Variants in DMD observed in about 807,000 individuals in gnomAD.
The protein encoded by DMD is dystrophin.
Under a neutral mutation model 330.1 loss-of-function variants are expected in DMD, and 63 were observed. That is an observed-to-expected ratio of 0.19 (90% CI 0.16 to 0.24). The LOEUF (loss-of-function observed/expected upper bound fraction) is 0.24. DMD is among the 10% of genes least tolerant of loss of function. The probability of loss-of-function intolerance (pLI) is 1.00; values close to 1 mark genes in which losing one functional copy is unlikely to be tolerated. For synonymous variants in DMD, 1,223 were observed against 959.8 expected (o/e 1.27, Z -5.07); for missense variants, 3,344 against 2,684.1 (o/e 1.25, Z -5.43).
intron 59 of DMD, among the ~76,000 whole-genome samples, chrX:31,473,720 A>AAAAAGAAAAAAAAG (rs1556654301): frequency 2.3e-4 from 24 of 104,381 alleles, no homozygotes; most frequent in African/African-American, 8.6e-4. Context: ...TCAAAAAAAA[A>AAAAAGAAAAAAAAG]AAAAAAAAGA....
In DMD at chrX:31,627,772, T is replaced by C; in HGVS notation, c.8118A>G (p.Thr2706=). The C allele has an allele frequency of 8.3e-7, 1 of 1,211,457 alleles. No individual in the cohort carries two copies. Among genetic ancestry groups the C allele is most frequent in the Non-Finnish European group, 1.1e-6 (1 of 895,310 alleles). ...GGACATTGGCAGTTGTTTCAGCTTC[T>C]GTAAGCCAGGCAAGAAACTTTTCCA... ...LDLEKFLAWL[T]EAETTANVLQ... The change falls in exon 55 of 79, where the codon ACA becomes ACG. Residue 2706 remains threonine, a synonymous_variant. Coordinates refer to ENST00000357033, the MANE Select transcript of DMD (RefSeq NM_004006.3).
intron 67 of DMD, among the ~76,000 whole-genome samples, chrX:31,191,512 T>C (rs1345003493): frequency 9.1e-6 from 1 of 110,020 alleles, no homozygotes; most frequent in African/African-American, 3.3e-5. Flanking sequence ...TTATGGGGGT[T>C]GGTCTTTCCT....
intron 1 of DMD, among the ~76,000 whole-genome samples, chrX:33,117,483 C>A (rs1432890963): frequency 9.0e-6 from 1 of 111,507 alleles, no homozygotes; most frequent in African/African-American, 3.3e-5. Context: ...CTTGAATATA[C>A]CCAATCGCCA....
chrX:32,479,781 C>A (rs981252304), intron 21 of DMD, among the ~76,000 whole-genome samples: 1 of 109,401 alleles, frequency 9.1e-6, no homozygotes, highest in Non-Finnish European at 1.9e-5. Context: ...GCATATATCA[C>A]TATATATATC....
chrX:31,697,235 C>T (rs2083499952), intron 52 of DMD, among the ~76,000 whole-genome samples: 1 of 111,487 alleles, frequency 9.0e-6, no homozygotes, highest in Non-Finnish European at 1.9e-5. Flanking sequence ...GCCACTAGAG[C>T]CCATATTGTT....
intron 7 of DMD, among the ~76,000 whole-genome samples, chrX:32,763,135 T>C (rs779399885): frequency 1.8e-5 from 2 of 111,922 alleles, no homozygotes; most frequent in Non-Finnish European, 3.8e-5. Context: ...TTAATTGACT[T>C]GAACCAGAAA....
chrX:32,396,034 C>A lies in DMD; in HGVS notation c.4234-5853G>T, dbSNP rs189090917. On this transcript the variant is annotated intron_variant, in intron 30 of 78. Transcript: ENST00000357033. The stretch of plus-strand genomic sequence containing the variant: ...GATAGCGTAAGTGATCACTGCAACA[C>A]AGGCCTTCCTGATAAGTTCCACATT... Among the ~76,000 whole-genome samples the A allele has an allele frequency of 2.2e-4, 24 of 111,119 alleles. 1 individual carries two copies. In the East Asian group the frequency reaches 6.5e-3, roughly 30 times the overall value.
At chrX:31,144,417 C>G (rs777817725) in intron 76 of DMD, among the ~76,000 whole-genome samples, 44 of 112,016 alleles carry the variant, frequency 3.9e-4, no homozygotes, top group Non-Finnish European at 7.3e-4. Flanking sequence ...TGGGAGGCAC[C>G]ATGTTAGATG....
Position 32,748,042 on chromosome X carries a change from T to A in DMD, c.650-48749A>T, listed in dbSNP as rs990342024. On this transcript the variant is annotated intron_variant, in intron 7 of 78. Transcript: ENST00000357033. ...TGGTAATACACGTATTTCCCTTTTATCCTTAAAGAAAAAGTGTAGGCCAGG... is the reference window on the plus strand; with the variant it reads ...TGGTAATACACGTATTTCCCTTTTAACCTTAAAGAAAAAGTGTAGGCCAGG... Among the ~76,000 whole-genome samples the A allele has an allele frequency of 3.6e-5, 4 of 111,215 alleles. No individual in the cohort carries two copies. The East Asian group carries it at 1.1e-3, about 31-fold the overall frequency.
intron 9 of DMD, among the ~76,000 whole-genome samples, chrX:32,674,311 C>A (rs1211314461): frequency 9.0e-6 from 1 of 111,699 alleles, no homozygotes; most frequent in Non-Finnish European, 1.9e-5. Flanking sequence ...GACTGCTAAT[C>A]ACCCAGATAT....
At chrX:32,928,396 T>C (rs1343353283) in intron 2 of DMD, among the ~76,000 whole-genome samples, 3 of 110,977 alleles carry the variant, frequency 2.7e-5, no homozygotes, top group Admixed American at 9.7e-5. Context: ...GTTGTTTATA[T>C]TTTTCCCCTT....
intron 1 of DMD, among the ~76,000 whole-genome samples, chrX:33,320,104 T>TA (rs1162160741): frequency 9.0e-6 from 1 of 111,478 alleles, no homozygotes; most frequent in Non-Finnish European, 1.9e-5. Flanking sequence ...GACAGGGCAA[T>TA]AATCAGAGCC....
At chrX:32,622,478 C>T (rs1385185825) in intron 11 of DMD, among the ~76,000 whole-genome samples, 1 of 111,445 alleles carries the variant, frequency 9.0e-6, no homozygotes, top group Non-Finnish European at 1.9e-5. Flanking sequence ...GAAATTTTTG[C>T]CAGTAGTTAA....
At chrX:32,955,169 G>A (rs1293916746) in intron 2 of DMD, among the ~76,000 whole-genome samples, 2 of 111,772 alleles carry the variant, frequency 1.8e-5, no homozygotes, top group Non-Finnish European at 1.9e-5. Context: ...CAATGTATAC[G>A]TGCTCCTTTT....
At chrX:32,527,947 T>G (rs914127737) in intron 17 of DMD, among the ~76,000 whole-genome samples, 25 of 111,919 alleles carry the variant, frequency 2.2e-4, no homozygotes, top group Non-Finnish European at 1.3e-4. Flanking sequence ...GTAATATGTG[T>G]GATACGTGTG....
At chrX:32,096,555 T>C (rs1462560818) in intron 44 of DMD, among the ~76,000 whole-genome samples, 1 of 109,358 alleles carries the variant, frequency 9.1e-6, no homozygotes, top group Non-Finnish European at 1.9e-5. Flanking sequence ...AAGGGATCCA[T>C]TAAAAAAATA....
chrX:33,316,229 A>G (rs5928232), intron 1 of DMD, among the ~76,000 whole-genome samples: 49,664 of 109,493 alleles, frequency 0.45, 10,508 homozygotes, highest in Middle Eastern at 0.66. Context: ...ACTGTAAAAC[A>G]TCTGTTCTGA....
Position 31,875,194 on chromosome X carries a change from G to A in DMD, c.7092C>T (p.Asp2364=), listed in dbSNP as rs768559703. The A allele has an allele frequency of 4.2e-5, 51 of 1,201,319 alleles. No homozygotes were observed. Among genetic ancestry groups the A allele is most frequent in the South Asian group, 2.3e-4 (13 of 55,494 alleles). The change falls in exon 48 of 79, where the codon GAC becomes GAT. Residue 2364 remains aspartate, a synonymous_variant. Transcript: ENST00000357033. ...YNQPNQEGPF[D]VKETEIAVQA... Reference sequence around the variant, plus strand: ...AAAGCAAAAAGTTCCCTACCTTAACGTCAAATGGTCCTTCTTGGTTTGGTT... The same window carrying A: ...AAAGCAAAAAGTTCCCTACCTTAACATCAAATGGTCCTTCTTGGTTTGGTT...
intron 43 of DMD, among the ~76,000 whole-genome samples, chrX:32,259,005 T>C (rs73219287): frequency 0.1 from 11,470 of 110,668 alleles, 637 homozygotes; most frequent in Non-Finnish European, 0.15. Flanking sequence ...GCATCATATC[T>C]GATATAAATA....
Sources: allele counts gnomAD v4.1 joint callset (sites outside exome capture counted in the v4.1 genomes callset), GRCh38; gene constraint gnomAD v4.1.1; transcripts MANE v1.5; gene names NCBI Gene and HGNC (gene_info 2026-07-23, HGNC 2026-07-21).